HIP1: variants seen among roughly 807,000 people sequenced by gnomAD.
HIP1 encodes the protein huntingtin interacting protein 1.
HIP1 carries 65 observed loss-of-function variants against 147.6 expected under a neutral mutation model. That is an observed-to-expected ratio of 0.44 (90% CI 0.36 to 0.54). The LOEUF (loss-of-function observed/expected upper bound fraction) is 0.54, where lower values mean the gene tolerates loss of function less well. Ranked by LOEUF, HIP1 falls within the 20% of genes least tolerant of loss-of-function variation. The pLI is 0.00. For synonymous variants in HIP1, 479 were observed against 504.0 expected (o/e 0.95, Z 0.67); for missense variants, 1,061 against 1,299.6 (o/e 0.82, Z 2.82).
chr7:75,548,611 G>T (rs1333780196), intron 23 of HIP1, among the ~76,000 whole-genome samples: 1 of 151,714 alleles, frequency 6.6e-6, no homozygotes, highest in East Asian at 1.9e-4. Flanking sequence ...GGAGTAGCTG[G>T]GACTATAAGC....
intron 1 of HIP1, among the ~76,000 whole-genome samples, chr7:75,732,577 C>T (rs909878074): frequency 6.6e-6 from 1 of 152,054 alleles, no homozygotes; most frequent in African/African-American, 2.4e-5. Context: ...GACAGGGTCT[C>T]GCTATGTTGC....
chr7:75,715,284 A>C (rs1386068666), intron 1 of HIP1, among the ~76,000 whole-genome samples: 2 of 151,992 alleles, frequency 1.3e-5, no homozygotes, highest in South Asian at 2.1e-4. Flanking sequence ...CCAGCGACTC[A>C]GGAGGCTGAG....
intron 1 of HIP1, among the ~76,000 whole-genome samples, chr7:75,631,111 C>G (rs181512313): frequency 1.3e-5 from 2 of 151,772 alleles, no homozygotes; most frequent in Non-Finnish European, 2.9e-5. Flanking sequence ...CAGGCTCATG[C>G]GACCAAACCC....
At chr7:75,595,232 CTTTCTTTCTTT>C (rs1563230175) in intron 2 of HIP1, among the ~76,000 whole-genome samples, 14 of 111,022 alleles carry the variant, frequency 1.3e-4, no homozygotes, top group African/African-American at 4.2e-4. Flanking sequence ...TTCTTTCTTT[CTTTCTTTCTTT>C]CTTTCTTTCT....
intron 1 of HIP1, among the ~76,000 whole-genome samples, chr7:75,703,353 T>C (rs534471393): frequency 5.9e-4 from 88 of 148,954 alleles, no homozygotes; most frequent in Middle Eastern, 3.6e-3. Flanking sequence ...GTCTCAAAAA[T>C]AAAAAAAAGC....
At position 75,690,270 on chromosome 7, in the gene HIP1, TCACACACACA is replaced by T. The variant is rs66973060; in HGVS notation, c.120+48521_120+48530del. Among the ~76,000 whole-genome samples, 3 of 149,530 alleles carry T rather than the reference TCACACACACA, an allele frequency of 2.0e-5. No homozygotes were observed. In the South Asian group the frequency reaches 6.3e-4, roughly 32 times the overall value. ...CTCCAGGTGACAGAGTGAGACTTTG[TCACACACACA>T]CACACACACACACAAAAGGTAAAGG... On this transcript the variant is annotated intron_variant, in intron 1 of 30. Coordinates refer to ENST00000336926, the MANE Select transcript of HIP1 (RefSeq NM_005338.7).
chr7:75,533,632 C>T lies in HIP1; in HGVS notation c.*4540G>A. 1 of 232,610 alleles carries T rather than the reference C, an allele frequency of 4.3e-6. No homozygotes were observed. The highest frequency in any genetic ancestry group is 8.5e-6 in the Non-Finnish European group (1 of 117,638). 14.4% of individuals were successfully genotyped at this position (232,610 alleles called of 1,614,324 possible). On this transcript the variant is annotated 3_prime_UTR_variant, in exon 31 of 31. Transcript: ENST00000336926. Reference sequence around the variant, plus strand: ...TCGGTTTGTCCCTATGAGTGGTAATCAGTTTCATTTAGGGCCTTCAAACCT... The same window carrying T: ...TCGGTTTGTCCCTATGAGTGGTAATTAGTTTCATTTAGGGCCTTCAAACCT...
chr7:75,583,498 G>A (rs922012889), intron 5 of HIP1, among the ~76,000 whole-genome samples: 2 of 152,134 alleles, frequency 1.3e-5, no homozygotes, highest in African/African-American at 2.4e-5. Context: ...CAAAGTCAGG[G>A]TGTTGACAGA....
Position 75,674,881 on chromosome 7 carries a change from T to C in HIP1, c.120+63920A>G, listed in dbSNP as rs557077273. Among the ~76,000 whole-genome samples the C allele has an allele frequency of 7.9e-5, 12 of 152,128 alleles. No individual in the cohort carries two copies. In the South Asian group the frequency reaches 1.0e-3, roughly 13 times the overall value. On this transcript the variant is annotated intron_variant, in intron 1 of 30. Coordinates refer to ENST00000336926, the MANE Select transcript of HIP1 (RefSeq NM_005338.7). ...CACTTCTCGCTGCTTCCTCTTTGTC[T>C]TCTGACAGTGTGACTATGACGTGTC...
At chr7:75,571,345 G>A (rs1795627050) in intron 8 of HIP1, among the ~76,000 whole-genome samples, 1 of 152,150 alleles carries the variant, frequency 6.6e-6, no homozygotes. Flanking sequence ...AGCACTCTAA[G>A]CAGCTGGTCC....
At chr7:75,558,821 C>T (rs1343803655) in intron 14 of HIP1, among the ~76,000 whole-genome samples, 1 of 152,078 alleles carries the variant, frequency 6.6e-6, no homozygotes, top group African/African-American at 2.4e-5. Flanking sequence ...GAGTTCAAGA[C>T]CAGCCTGACC....
intron 1 of HIP1, among the ~76,000 whole-genome samples, chr7:75,712,325 T>C (rs1554520197): frequency 6.6e-6 from 1 of 152,186 alleles, no homozygotes; most frequent in Non-Finnish European, 1.5e-5. Context: ...CAAAAAGTTC[T>C]CAGCAACAAG....
intron 1 of HIP1, among the ~76,000 whole-genome samples, chr7:75,602,927 C>T (rs909403211): frequency 6.6e-6 from 1 of 151,160 alleles, no homozygotes; most frequent in Non-Finnish European, 1.5e-5. Context: ...GACTGGTGAT[C>T]CTCGAAGAAG....
chr7:75,707,873 G>C (rs1801050808), intron 1 of HIP1, among the ~76,000 whole-genome samples: 1 of 128,194 alleles, frequency 7.8e-6, no homozygotes, highest in African/African-American at 3.1e-5. Flanking sequence ...TTAATAAATG[G>C]TGCTGGGAAA....
intron 4 of HIP1, among the ~76,000 whole-genome samples, chr7:75,588,149 A>T (rs1796351374): frequency 6.6e-6 from 1 of 152,208 alleles, no homozygotes; most frequent in South Asian, 2.1e-4. Flanking sequence ...TCTGCCCTAA[A>T]CTCACAAAAC....
At chr7:75,579,156 T>C (rs1554498175) in intron 7 of HIP1, among the ~76,000 whole-genome samples, 1 of 152,042 alleles carries the variant, frequency 6.6e-6, no homozygotes, top group African/African-American at 2.4e-5. Flanking sequence ...TCTACACCAC[T>C]GCTTTCAGTC....
chr7:75,595,251 T>TCTTTCTTCCTTCCTTCCTTC (rs1491144475), intron 2 of HIP1, among the ~76,000 whole-genome samples: 4 of 59,540 alleles, frequency 6.7e-5, no homozygotes, highest in East Asian at 5.0e-4. Flanking sequence ...TTTCTTTCTT[T>TCTTTCTTCCTTCCTTCCTTC]CTTCCTTCCT....
At chr7:75,627,540 C>A (rs1319935914) in intron 1 of HIP1, among the ~76,000 whole-genome samples, 2 of 152,136 alleles carry the variant, frequency 1.3e-5, no homozygotes, top group Admixed American at 6.6e-5. Flanking sequence ...ATAGGAATCA[C>A]ACTTTTCTGA....
chr7:75,562,170 T>A lies in HIP1; in HGVS notation c.1021A>T (p.Asn341Tyr). 6.2e-7 allele frequency: 1 copy of A among 1,609,224 alleles called. No homozygotes were observed. Among genetic ancestry groups the A allele is most frequent in the Non-Finnish European group, 8.5e-7 (1 of 1,175,620 alleles). The change falls in exon 12 of 31, where the codon AAT (asparagine) becomes TAT (tyrosine). Residue 341 changes from asparagine to tyrosine, a missense_variant and splice_region_variant. Transcript: ENST00000336926. Reference protein sequence around the residue: ...DLMDMDASQQNLFDNKFDDIF... With the variant: ...DLMDMDASQQYLFDNKFDDIF... ...TCATCAAACTTGTTGTCAAATAAAT[T>A]CTGTGGTTGACCAAAAAGGAGTGAG...
Sources: gnomAD v4.1 joint callset for allele counts (sites outside exome capture counted in the v4.1 genomes callset) on GRCh38, gnomAD v4.1.1 for gene constraint, MANE v1.5 for transcripts, NCBI Gene and HGNC (gene_info 2026-07-23, HGNC 2026-07-21) for gene names.